The following KRT33B variants were observed in gnomAD, a reference collection of about 807,000 sequenced individuals.
KRT33B encodes keratin 33B.
Under a neutral mutation model 42.7 loss-of-function variants are expected in KRT33B, and 37 were observed. The ratio of observed to expected loss-of-function variants is 0.87; its 90% CI spans 0.67 to 1.14. The LOEUF (loss-of-function observed/expected upper bound fraction) is 1.14. Ranked by LOEUF, KRT33B falls within the 50% of genes most tolerant of loss-of-function variation. The pLI, the probability that KRT33B is intolerant of heterozygous loss-of-function variation, is 0.00. For missense variants in KRT33B, 523 were observed against 515.1 expected (o/e 1.02, Z -0.15); for synonymous variants, 237 against 221.2 (o/e 1.07, Z -0.63).
chr17:41,366,848 C>T (rs1369049269), intron 2 of KRT33B, among the ~76,000 whole-genome samples: 2 of 151,310 alleles, frequency 1.3e-5, no homozygotes, highest in Admixed American at 6.6e-5. Context: ...TAGTCTAACA[C>T]AAACTAAGTT....
At chr17:41,368,507 T>C (rs1412035659) in intron 1 of KRT33B, among the ~76,000 whole-genome samples, 1 of 151,256 alleles carries the variant, frequency 6.6e-6, no homozygotes, top group Non-Finnish European at 1.5e-5. Flanking sequence ...CTTATGACCT[T>C]TGTGTGATCA....
At chr17:41,365,055 T>G in intron 5 of KRT33B, 56 bp from the exon 6 acceptor site, 1 of 1,609,392 alleles carries the variant, frequency 6.2e-7, no homozygotes, top group Non-Finnish European at 8.5e-7. Context: ...GGTTCCTCCA[T>G]GGGGTTCGAA....
Position 41,363,785 on chromosome 17 carries a change from C to A in KRT33B, c.*51G>T. The A allele has an allele frequency of 2.4e-6, 3 of 1,251,676 alleles. No homozygotes were observed. Among genetic ancestry groups the A allele is most frequent in the Non-Finnish European group, 2.3e-6 (2 of 869,600 alleles). The allele number at this position is 1,251,676 out of a possible 1,614,324, so 77.5% of individuals were successfully genotyped here. ...GGTTGTCAGAGAGGCAGAACTGGCC[C>A]ACCGATGGTAGTTCTGTCTTCATGC... On this transcript the variant is annotated 3_prime_UTR_variant, in exon 7 of 7. Coordinates refer to ENST00000251646, the MANE Select transcript of KRT33B (RefSeq NM_002279.5).
chr17:41,364,955 G>A lies in KRT33B; in HGVS notation c.921C>T (p.Tyr307=), dbSNP rs768615340. The A allele has an allele frequency of 1.2e-6, 2 of 1,613,420 alleles. No homozygotes were observed. The highest frequency in any genetic ancestry group is 1.7e-6 in the Non-Finnish European group (2 of 1,180,048). The change falls in exon 6 of 7, where the codon TAC becomes TAT. Residue 307 remains tyrosine (Y), a synonymous_variant. Coordinates refer to ENST00000251646, the MANE Select transcript of KRT33B (RefSeq NM_002279.5). ...ENTLTESEAR[Y]SSQLSQVQSL... ...TCTGCACCTGGGACAGCTGGGAGCTGTAGCGGGCCTCGCTCTCTGTCAGCG... is the reference window on the plus strand; with the variant it reads ...TCTGCACCTGGGACAGCTGGGAGCTATAGCGGGCCTCGCTCTCTGTCAGCG...
intron 1 of KRT33B, among the ~76,000 whole-genome samples, chr17:41,368,760 C>T (rs1169379706): frequency 6.6e-6 from 1 of 151,366 alleles, no homozygotes; most frequent in African/African-American, 2.5e-5. Flanking sequence ...TATAAACTCC[C>T]ACTCATCCTT....
Position 41,363,871 on chromosome 17 carries a change from A to T in KRT33B, c.1180T>A (p.Ser394Thr), listed in dbSNP as rs1480510490. The T allele has an allele frequency of 1.2e-6, 2 of 1,611,210 alleles. No homozygotes were observed. The highest frequency in any genetic ancestry group is 1.7e-6 in the Non-Finnish European group (2 of 1,179,364). The change falls in exon 7 of 7, where the codon TCC (serine) becomes ACC (threonine). Residue 394 changes from serine (S) to threonine (T), a missense_variant. Transcript: ENST00000251646. ...AAGGTGTTGCAAGGCCCACAGCGGGAACGAGGACCACAAGGATTGGTGACA... is the reference window on the plus strand; with the variant it reads ...AAGGTGTTGCAAGGCCCACAGCGGGTACGAGGACCACAAGGATTGGTGACA... ...SCVTNPCGPRSRCGPCNTFGY is the reference protein window; with the variant it reads ...SCVTNPCGPRTRCGPCNTFGY
intron 6 of KRT33B, among the ~76,000 whole-genome samples, chr17:41,364,532 C>T (rs2017668240): frequency 6.6e-6 from 1 of 151,328 alleles, no homozygotes; most frequent in Non-Finnish European, 1.5e-5. Context: ...ATTTATTTGG[C>T]CATCAACATC....
At position 41,364,650 on chromosome 17, in the gene KRT33B, G is replaced by A. The variant is rs1035036815; in HGVS notation, c.1097+129C>T. The A allele has an allele frequency of 5.9e-6, 7 of 1,180,308 alleles. 1 individual carries two copies. Among genetic ancestry groups the A allele is most frequent in the African/African-American group, 4.8e-5 (3 of 63,080 alleles). The allele number at this position is 1,180,308 out of a possible 1,614,324, so 73.1% of individuals were successfully genotyped here. On this transcript the variant is annotated intron_variant, in intron 6 of 6. Coordinates refer to ENST00000251646, the MANE Select transcript of KRT33B (RefSeq NM_002279.5). ...GCAACAAATATCCTACACTTCCCACGGCTGTAATATAAAACTCTCGCCTCT... is the reference window on the plus strand; with the variant it reads ...GCAACAAATATCCTACACTTCCCACAGCTGTAATATAAAACTCTCGCCTCT...
Position 41,365,490 on chromosome 17 carries a change from C to G in KRT33B, c.652G>C (p.Ala218Pro), listed in dbSNP as rs751713129. The change falls in exon 4 of 7, where the codon GCT becomes CCT. Residue 218 changes from alanine (A) to proline (P), a missense_variant. Physicochemically the swap from Ala to Pro is conservative, Grantham distance 27. Transcript: ENST00000251646. ...RLNVEVDAAP[A>P]VDLNQVLNET... is the part of the protein sequence containing the mutation. ...TTCAGGACCTGGTTCAGGTCCACAG[C>G]GGGAGCAGCGTCCACCTCCACGTTG... 3 of 1,612,880 alleles carry G rather than the reference C, an allele frequency of 1.9e-6. No homozygotes were observed. The highest frequency in any genetic ancestry group is 2.5e-6 in the Non-Finnish European group (3 of 1,180,026).
chr17:41,367,295 TG>T (rs1567671466), intron 2 of KRT33B, among the ~76,000 whole-genome samples: 1 of 151,398 alleles, frequency 6.6e-6, no homozygotes, highest in African/African-American at 2.5e-5. Context: ...AACTTCTTTT[TG>T]GGGGGTTGAC....
Position 41,364,990 on chromosome 17 carries a change from G to A in KRT33B, c.886C>T (p.Leu296=). ...LQAQHNLRYS[L]ENTLTESEAR... is the part of the protein sequence containing the mutation. ...TCGCTCTCTGTCAGCGTGTTTTCCA[G>A]AGAGTATCGCTGTGGTGGGAAAGAT... The change falls in exon 6 of 7, where the codon CTG becomes TTG. Residue 296 remains leucine, a synonymous_variant. Coordinates refer to ENST00000251646, the MANE Select transcript of KRT33B (RefSeq NM_002279.5). 6.2e-7 allele frequency: 1 copy of A among 1,613,152 alleles called. No individual in the cohort carries two copies. The highest frequency in any genetic ancestry group is 2.2e-5 in the East Asian group (1 of 44,886).
In KRT33B at chr17:41,369,375, G is replaced by A. The variant is rs375609912; in HGVS notation, c.348+28C>T. On this transcript the variant is annotated intron_variant, in intron 1 of 6. Transcript: ENST00000251646. ...CAAATATAGATAAGTAGTTCATTAA[G>A]CTGGCAGTGTGGTGCCCACCTCCTC... The A allele has an allele frequency of 3.1e-6, 5 of 1,610,094 alleles. No individual in the cohort carries two copies. In the African/African-American group the frequency reaches 4.1e-5, roughly 13 times the overall value.
Position 41,369,484 on chromosome 17 carries a change from C to A in KRT33B, c.267G>T (p.Arg89=). Residue 89 remains arginine (R), a synonymous_variant, in exon 1 of 7, where the codon CGG becomes CGT. Transcript: ENST00000251646. The part of the protein sequence containing the change: ...RDNAELENLI[R]ERSQQQEPLL... ...AGGGCTCCTGCTGCTGAGACCGCTC[C>A]CGGATGAGGTTCTCCAGCTCCGCGT... is the stretch of plus-strand genomic sequence containing the variant. The A allele has an allele frequency of 6.2e-7, 1 of 1,613,848 alleles. No homozygotes were observed. Among genetic ancestry groups the A allele is most frequent in the South Asian group, 1.1e-5 (1 of 91,084 alleles).
In KRT33B at chr17:41,369,480, G is replaced by A. The variant is rs142088340; in HGVS notation, c.271C>T (p.Arg91Trp). The change falls in exon 1 of 7, where the codon CGG becomes TGG. Residue 91 changes from arginine (R) to tryptophan (W), a missense_variant. Physicochemically the swap from Arg to Trp is moderately radical, Grantham distance 101. Coordinates refer to ENST00000251646, the MANE Select transcript of KRT33B (RefSeq NM_002279.5). Reference protein sequence around the residue: ...NAELENLIRERSQQQEPLLCP... With the variant: ...NAELENLIREWSQQQEPLLCP... ...AGCAAGGGCTCCTGCTGCTGAGACC[G>A]CTCCCGGATGAGGTTCTCCAGCTCC... 4.8e-5 allele frequency: 77 copies of A among 1,613,720 alleles called. 1 individual carries two copies. Among genetic ancestry groups the A allele is most frequent in the Middle Eastern group, 3.3e-4 (2 of 6,080 alleles).
rs200976540 is a variant in KRT33B, at chr17:41,369,534, T to C, written c.217A>G (p.Lys73Glu). 71 of 1,614,070 alleles carry C rather than the reference T, an allele frequency of 4.4e-5. No homozygotes were observed. In the African/African-American group the frequency reaches 9.2e-4, roughly 21 times the overall value. ...LNDRLASYLEKVRQLERDNAE... is the reference protein window; with the variant it reads ...LNDRLASYLEEVRQLERDNAE... ...TTGTCCCGCTCCAGCTGACGCACCT[T>C]CTCCAGGTAGCTGGCCAGGCGGTCG... Residue 73 changes from lysine to glutamate, a missense_variant, in exon 1 of 7, where the codon AAG becomes GAG. Coordinates refer to ENST00000251646, the MANE Select transcript of KRT33B (RefSeq NM_002279.5).
In KRT33B at chr17:41,365,373, C is replaced by G. The variant is rs1167083307; in HGVS notation, c.750+19G>C. 6 of 1,609,220 alleles carry G rather than the reference C, an allele frequency of 3.7e-6. No individual in the cohort carries two copies. Among genetic ancestry groups the G allele is most frequent in the Non-Finnish European group, 5.1e-6 (6 of 1,177,616 alleles). On this transcript the variant is annotated intron_variant, in intron 4 of 6. Transcript: ENST00000251646. ...TGGGGGGCCTCGGGTCCTGAGTGGCCACGTGCTTAGATGCCCACCTGCGTG... is the reference window on the plus strand; with the variant it reads ...TGGGGGGCCTCGGGTCCTGAGTGGCGACGTGCTTAGATGCCCACCTGCGTG...
intron 3 of KRT33B, 47 bp from the exon 4 acceptor site, chr17:41,365,600 A>T (rs2017690806): frequency 1.3e-6 from 2 of 1,587,312 alleles, no homozygotes; most frequent in Non-Finnish European, 1.7e-6. Flanking sequence ...GAAGTCTTTC[A>T]ATAACTTCTT....
Position 41,367,572 on chromosome 17 carries a change from C to T in KRT33B, c.431+336G>A, listed in dbSNP as rs896722802. Among the ~76,000 whole-genome samples, 5 of 151,158 alleles carry T rather than the reference C, an allele frequency of 3.3e-5. 1 individual carries two copies. The highest frequency in any genetic ancestry group is 7.4e-5 in the African/African-American group (3 of 40,542). On this transcript the variant is annotated intron_variant, in intron 2 of 6. Transcript: ENST00000251646. Reference sequence around the variant, plus strand: ...TATAAAAATTAGCTGGGCCTGCTGGCGCATGCCTGTAATCCCAGCTACGAG... The same window carrying T: ...TATAAAAATTAGCTGGGCCTGCTGGTGCATGCCTGTAATCCCAGCTACGAG...
rs762952908 is a variant in KRT33B, at chr17:41,369,390, C to T, written c.348+13G>A. 14 of 1,612,012 alleles carry T rather than the reference C, an allele frequency of 8.7e-6. No homozygotes were observed. In the South Asian group the frequency reaches 1.4e-4, roughly 16 times the overall value. On this transcript the variant is annotated intron_variant, in intron 1 of 6. Transcript: ENST00000251646. Reference sequence around the variant, plus strand: ...AGTTCATTAAGCTGGCAGTGTGGTGCCCACCTCCTCACCTTCTGCTGGAGC... The same window carrying T: ...AGTTCATTAAGCTGGCAGTGTGGTGTCCACCTCCTCACCTTCTGCTGGAGC...
Sources: allele counts gnomAD v4.1 joint callset (sites outside exome capture counted in the v4.1 genomes callset), GRCh38; gene constraint gnomAD v4.1.1; transcripts MANE v1.5; gene names NCBI Gene and HGNC (gene_info 2026-07-23, HGNC 2026-07-21).